Variants in MGAT4D observed in about 807,000 individuals in gnomAD.
MGAT4D encodes the protein MGAT4 family member D, also known as alpha-1,3-mannosyl-glycoprotein 4-beta-N-acetylglucosaminyltransferase-like protein MGAT4D.
Under a neutral mutation model 15.9 loss-of-function variants are expected in MGAT4D, and 34 were observed. That is an observed-to-expected ratio of 2.14 (90% CI 1.62 to 2.84). The LOEUF is 2.84. MGAT4D is among the 30% of genes most tolerant of loss of function. The pLI, the probability that MGAT4D is intolerant of heterozygous loss-of-function variation, is 0.00. For missense variants in MGAT4D, 327 were observed against 140.2 expected (o/e 2.33, Z -6.73); for synonymous variants, 112 against 48.2 (o/e 2.33, Z -5.49).
rs906386949 is a variant in MGAT4D, at chr4:140,486,126, C to T, written c.95-3641G>A. On this transcript the variant is annotated intron_variant, in intron 1 of 10. Transcript: ENST00000511113. ...GGGAGCCCAGCATCACCCACACTGG[C>T]CTCCTTGCTGTTCCTCACACGAGCC... Among the ~76,000 whole-genome samples, 4 of 152,204 alleles carry T rather than the reference C, an allele frequency of 2.6e-5. No individual in the cohort carries two copies. In the South Asian group the frequency reaches 8.3e-4, roughly 32 times the overall value.
At chr4:140,486,983 G>A (rs1419886597) in intron 1 of MGAT4D, among the ~76,000 whole-genome samples, 2 of 152,088 alleles carry the variant, frequency 1.3e-5, no homozygotes, top group African/African-American at 4.8e-5. Context: ...AACCTATGTG[G>A]GTTTCTACAT....
intron 10 of MGAT4D, among the ~76,000 whole-genome samples, chr4:140,449,790 A>C (rs1442410483): frequency 6.6e-6 from 1 of 152,158 alleles, no homozygotes; most frequent in Admixed American, 6.5e-5. Flanking sequence ...TAAGGGTAAA[A>C]CAAAATTTAA....
Position 140,451,463 on chromosome 4 carries a change from A to G in MGAT4D, c.1063T>C (p.Phe355Leu). ...GATGAATGTATACCCACATGCTGGA[A>G]AAGAGAAGGTTTATACTGAATACGT... is the stretch of plus-strand genomic sequence containing the variant. ...QIRIQYKPSL[F>L]QHVGIHSSFP... The change falls in exon 10 of 11, where the codon TTC (phenylalanine) becomes CTC (leucine). Residue 355 changes from phenylalanine to leucine, a missense_variant. Phe to Leu is a conservative substitution (Grantham distance 22). Coordinates refer to ENST00000511113, the MANE Select transcript of MGAT4D (RefSeq NM_001277353.2). 1.6e-6 allele frequency: 1 copy of G among 634,946 alleles called. No homozygotes were observed. Among genetic ancestry groups the G allele is most frequent in the Non-Finnish European group, 2.9e-6 (1 of 347,458 alleles). The allele number at this position is 634,946 out of a possible 1,614,324, so 39.3% of individuals were successfully genotyped here.
At chr4:140,444,564 T>C (rs993999204) in intron 10 of MGAT4D, among the ~76,000 whole-genome samples, 8 of 152,246 alleles carry the variant, frequency 5.3e-5, no homozygotes, top group African/African-American at 1.9e-4. Flanking sequence ...TTCTTTTTTA[T>C]GGCTGTGTAG....
intron 1 of MGAT4D, among the ~76,000 whole-genome samples, chr4:140,483,733 C>G (rs557431092): frequency 6.6e-6 from 1 of 152,206 alleles, no homozygotes; most frequent in South Asian, 2.1e-4. Flanking sequence ...TGATCTTTGA[C>G]AAAGTTTCCA....
intron 1 of MGAT4D, among the ~76,000 whole-genome samples, chr4:140,485,090 A>T (rs1214791262): frequency 2.0e-5 from 3 of 152,346 alleles, no homozygotes; most frequent in Admixed American, 2.0e-4. Context: ...TGCTATAAAG[A>T]CACATGCACA....
intron 5 of MGAT4D, among the ~76,000 whole-genome samples, chr4:140,468,977 C>T (rs1025496155): frequency 6.6e-6 from 1 of 152,188 alleles, no homozygotes; most frequent in South Asian, 2.1e-4. Context: ...CTCCCTCCAC[C>T]TGAGTCTCCA....
At chr4:140,450,394 T>A (rs1158340998) in intron 10 of MGAT4D, among the ~76,000 whole-genome samples, 2 of 152,248 alleles carry the variant, frequency 1.3e-5, no homozygotes, top group African/African-American at 4.8e-5. Flanking sequence ...TATTTCTGCA[T>A]CACATCTACA....
chr4:140,461,814 T>G, intron 7 of MGAT4D, 115 bp downstream of exon 7: 1 of 436,546 alleles, frequency 2.3e-6, no homozygotes, highest in South Asian at 7.4e-5. Flanking sequence ...GAAGAAATTA[T>G]AGGAAGGAGG....
intron 10 of MGAT4D, 42 bp downstream of exon 10, chr4:140,451,368 T>A: frequency 1.9e-6 from 1 of 531,414 alleles, no homozygotes; most frequent in East Asian, 3.0e-5. Context: ...TATAAGTTTA[T>A]AAAACATTGT....
chr4:140,448,229 G>C (rs1730256533), intron 10 of MGAT4D, among the ~76,000 whole-genome samples: 1 of 152,104 alleles, frequency 6.6e-6, no homozygotes. Flanking sequence ...TGCATTTCCT[G>C]AATTTGAATG....
At chr4:140,466,265 G>C (rs1731526719) in intron 5 of MGAT4D, among the ~76,000 whole-genome samples, 2 of 152,162 alleles carry the variant, frequency 1.3e-5, no homozygotes, top group Non-Finnish European at 2.9e-5. Context: ...GCAACAAAGG[G>C]AACTTAGTGA....
At chr4:140,485,397 G>C (rs1038999535) in intron 1 of MGAT4D, among the ~76,000 whole-genome samples, 1 of 151,744 alleles carries the variant, frequency 6.6e-6, no homozygotes, top group South Asian at 2.1e-4. Context: ...TCTGGGGACT[G>C]TTGTGGGGTG....
rs574964104 is a variant in MGAT4D, at chr4:140,454,490, C to T, written c.1008+2099G>A. Reference sequence around the variant, plus strand: ...GGTGTATTTTTCTTTTTACATATTGCTGGATTCAATTTACTATTACTGGGA... The same window carrying T: ...GGTGTATTTTTCTTTTTACATATTGTTGGATTCAATTTACTATTACTGGGA... On this transcript the variant is annotated intron_variant, in intron 9 of 10. Transcript: ENST00000511113. Among the ~76,000 whole-genome samples, 7 of 152,072 alleles carry T rather than the reference C, an allele frequency of 4.6e-5. No homozygotes were observed. In the East Asian group the frequency reaches 1.2e-3, roughly 25 times the overall value.
intron 5 of MGAT4D, among the ~76,000 whole-genome samples, chr4:140,467,369 G>A (rs1731607586): frequency 6.6e-6 from 1 of 152,074 alleles, no homozygotes; most frequent in Admixed American, 6.5e-5. Context: ...CGGCAATTTA[G>A]TAGAGGTAAA....
chr4:140,479,719 C>T (rs984819383), intron 2 of MGAT4D, 92 bp from the exon 3 acceptor site: 1 of 356,374 alleles, frequency 2.8e-6, no homozygotes, highest in Admixed American at 4.7e-5. Flanking sequence ...AATAAACTCA[C>T]AGATTAATTT....
At chr4:140,451,628 T>A (rs1416518482) in intron 9 of MGAT4D, 111 bp from the exon 10 acceptor site, 9 of 390,388 alleles carry the variant, frequency 2.3e-5, no homozygotes, top group Middle Eastern at 6.0e-4. Flanking sequence ...TCTATTTTCA[T>A]ATTTAAAAAT....
intron 5 of MGAT4D, among the ~76,000 whole-genome samples, chr4:140,470,000 T>C (rs917085542): frequency 9.2e-5 from 14 of 152,246 alleles, no homozygotes; most frequent in Admixed American, 9.2e-4. Flanking sequence ...GACAAGAGCC[T>C]GGAAGGCGGT....
chr4:140,455,088 T>C (rs115288392), intron 9 of MGAT4D, among the ~76,000 whole-genome samples: 2,910 of 152,240 alleles, frequency 0.019, 49 homozygotes, highest in Non-Finnish European at 0.033. Context: ...TTTCTTTTAC[T>C]ATTATTATTT....
Sources: gnomAD v4.1 joint callset for allele counts (sites outside exome capture counted in the v4.1 genomes callset) on GRCh38, gnomAD v4.1.1 for gene constraint, MANE v1.5 for transcripts, NCBI Gene and HGNC (gene_info 2026-07-23, HGNC 2026-07-21) for gene names.